Variants in CNBD1 observed in about 807,000 individuals in gnomAD.
CNBD1 encodes the protein cyclic nucleotide-binding domain-containing protein 1.
In CNBD1, 71 loss-of-function variants were observed where a neutral mutation model predicts 54.4. The ratio of observed to expected loss-of-function variants is 1.30; its 90% CI spans 1.08 to 1.59. CNBD1 has a LOEUF of 1.59. Ranked by LOEUF, CNBD1 falls within the 40% of genes most tolerant of loss-of-function variation. CNBD1 has a pLI of 0.00. For missense variants in CNBD1, 659 were observed against 518.0 expected (o/e 1.27, Z -2.64); for synonymous variants, 182 against 170.7 (o/e 1.07, Z -0.51).
At chr8:87,232,058 A>C (rs943653980) in intron 5 of CNBD1, among the ~76,000 whole-genome samples, 1 of 152,162 alleles carries the variant, frequency 6.6e-6, no homozygotes, top group Non-Finnish European at 1.5e-5. Flanking sequence ...ACTTTATTCC[A>C]ATCAACATAA....
chr8:86,956,638 AT>A (rs2130459213), intron 4 of CNBD1, among the ~76,000 whole-genome samples: 1 of 152,070 alleles, frequency 6.6e-6, no homozygotes, highest in South Asian at 2.1e-4. Flanking sequence ...TTTTTCTGTT[AT>A]TGGTGTATAG....
intron 6 of CNBD1, among the ~76,000 whole-genome samples, chr8:87,278,067 T>C (rs983143226): frequency 2.0e-5 from 3 of 151,562 alleles, no homozygotes; most frequent in Non-Finnish European, 4.4e-5. Flanking sequence ...GATGTAGTTA[T>C]TAGCAGATTA....
chr8:87,121,577 A>T (rs1230587874), intron 4 of CNBD1, among the ~76,000 whole-genome samples: 1 of 151,688 alleles, frequency 6.6e-6, no homozygotes, highest in Non-Finnish European at 1.5e-5. Flanking sequence ...ATTATTATTG[A>T]CTATTGTCAC....
intron 4 of CNBD1, among the ~76,000 whole-genome samples, chr8:87,058,881 G>A (rs569328072): frequency 6.6e-6 from 1 of 152,284 alleles, no homozygotes; most frequent in South Asian, 2.1e-4. Context: ...AATTTATGCA[G>A]CAGGCTTGAA....
At chr8:87,307,008 A>G (rs10087343) in intron 8 of CNBD1, among the ~76,000 whole-genome samples, 57,600 of 152,044 alleles carry the variant, frequency 0.38, 11,178 homozygotes, top group Middle Eastern at 0.45. Flanking sequence ...AACCTCAAAA[A>G]TAAATAAAAT....
At chr8:86,894,930 G>A (rs781311293) in intron 2 of CNBD1, among the ~76,000 whole-genome samples, 6 of 152,086 alleles carry the variant, frequency 3.9e-5, no homozygotes, top group Non-Finnish European at 8.8e-5. Context: ...CATGAGACTC[G>A]CATCTGGCAA....
intron 4 of CNBD1, among the ~76,000 whole-genome samples, chr8:87,027,243 C>G (rs193242434): frequency 6.6e-6 from 1 of 152,124 alleles, no homozygotes; most frequent in East Asian, 1.9e-4. Flanking sequence ...TTGGGTAAAA[C>G]AGCTCCCATG....
chr8:87,142,211 A>G (rs1044553944), intron 4 of CNBD1, among the ~76,000 whole-genome samples: 1 of 152,152 alleles, frequency 6.6e-6, no homozygotes, highest in Non-Finnish European at 1.5e-5. Flanking sequence ...AATTTGGAAG[A>G]GTGATTATGG....
At chr8:87,286,205 C>T (rs1808695735) in intron 7 of CNBD1, among the ~76,000 whole-genome samples, 1 of 152,112 alleles carries the variant, frequency 6.6e-6, no homozygotes, top group Non-Finnish European at 1.5e-5. Flanking sequence ...TTTTATTTCC[C>T]AAATATCAGT....
chr8:87,129,866 C>T (rs1481749514), intron 4 of CNBD1, among the ~76,000 whole-genome samples: 1 of 152,056 alleles, frequency 6.6e-6, no homozygotes, highest in African/African-American at 2.4e-5. Context: ...ATACCCAAGA[C>T]TGGGGAAATT....
At chr8:87,410,818 C>T (rs1807728448) in intron 2 of CNBD1, among the ~76,000 whole-genome samples, 2 of 152,022 alleles carry the variant, frequency 1.3e-5, no homozygotes, top group African/African-American at 4.8e-5. Flanking sequence ...CCACAGCCAC[C>T]CCAACTATTA....
At chr8:87,293,210 T>G (rs886743425) in intron 8 of CNBD1, among the ~76,000 whole-genome samples, 5 of 152,138 alleles carry the variant, frequency 3.3e-5, no homozygotes, top group Non-Finnish European at 7.4e-5. Context: ...ACCATGCTAG[T>G]TGCTTTTGTT....
chr8:87,248,931 T>A (rs1563523429), intron 6 of CNBD1, among the ~76,000 whole-genome samples: 1 of 152,148 alleles, frequency 6.6e-6, no homozygotes. Flanking sequence ...AAACTAAGTG[T>A]CAGATTCTGA....
rs146144900 is a variant in CNBD1 at position 87,202,808 on chromosome 8, C to T, written c.432-3185C>T. Among the ~76,000 whole-genome samples the T allele has an allele frequency of 9.9e-3, 1,509 of 152,260 alleles. 21 individuals are homozygous for T. Among genetic ancestry groups the T allele is most frequent in the African/African-American group, 0.031 (1,300 of 41,550 alleles). ...AAATAGAAGGCCTCGACTAGGAATGCAGATGAGCATGAGAGCATGGCTGGC... is the reference window on the plus strand; with the variant it reads ...AAATAGAAGGCCTCGACTAGGAATGTAGATGAGCATGAGAGCATGGCTGGC... On this transcript the variant is annotated intron_variant, in intron 4 of 10. Transcript: ENST00000518476.
chr8:87,087,629 AT>A (rs536774967), intron 4 of CNBD1, among the ~76,000 whole-genome samples: 9 of 147,084 alleles, frequency 6.1e-5, no homozygotes, highest in Admixed American at 6.8e-5. Flanking sequence ...ACGCCCGGCT[AT>A]TTTTTTTTTG....
chr8:87,272,660 T>C (rs1399304540), intron 6 of CNBD1, among the ~76,000 whole-genome samples: 1 of 151,984 alleles, frequency 6.6e-6, no homozygotes, highest in East Asian at 1.9e-4. Context: ...AGTCAATTTA[T>C]ACATGGATAA....
chr8:86,941,976 C>A (rs1482140914), intron 4 of CNBD1, among the ~76,000 whole-genome samples: 1 of 152,158 alleles, frequency 6.6e-6, no homozygotes, highest in Admixed American at 6.5e-5. Context: ...CAGAATTGGG[C>A]AGCCAGGACT....
rs1319440298 is a variant in CNBD1, at chr8:87,284,814, A to C, written c.908A>C (p.Glu303Ala). The change falls in exon 7 of 11, where the codon GAG (glutamate) becomes GCG (alanine). Residue 303 changes from glutamate (E) to alanine (A), a missense_variant and splice_region_variant. Physicochemically the swap from Glu to Ala is moderately radical, Grantham distance 107. Coordinates refer to ENST00000518476, the MANE Select transcript of CNBD1 (RefSeq NM_173538.3). ...GCAAAGGGATATGCAAAGATAAAGG[A>C]GGTAAGATGATATCTAATATTTTAT... The part of the protein sequence containing the change: ...IPAKGYAKIK[E>A]EKIKLENMQK... 1.9e-6 allele frequency: 3 copies of C among 1,566,530 alleles called. No homozygotes were observed. The East Asian group carries it at 7.0e-5, about 36-fold the overall frequency.
intron 8 of CNBD1, among the ~76,000 whole-genome samples, chr8:87,319,830 C>G (rs1249178446): frequency 1.3e-5 from 2 of 151,908 alleles, no homozygotes; most frequent in African/African-American, 4.8e-5. Flanking sequence ...TCATTTTATG[C>G]TTAGATAAGT....
Sources: allele counts gnomAD v4.1 joint callset (sites outside exome capture counted in the v4.1 genomes callset), GRCh38; gene constraint gnomAD v4.1.1; transcripts MANE v1.5; gene names NCBI Gene and HGNC (gene_info 2026-07-23, HGNC 2026-07-21).